The following ASIC2 variants were observed in gnomAD, a reference collection of about 807,000 sequenced individuals.
ASIC2 encodes the protein acid sensing ion channel subunit 2.
ASIC2 carries 25 observed loss-of-function variants against 57.3 expected under a neutral mutation model. The ratio of observed to expected loss-of-function variants is 0.44; its 90% CI spans 0.32 to 0.61. The LOEUF (loss-of-function observed/expected upper bound fraction) is 0.61. ASIC2 is among the 20% of genes least tolerant of loss of function. The probability of loss-of-function intolerance (pLI) is 0.06; values close to 1 mark genes in which losing one functional copy is unlikely to be tolerated. For synonymous variants in ASIC2, 319 were observed against 307.5 expected (o/e 1.04, Z -0.39); for missense variants, 641 against 738.1 (o/e 0.87, Z 1.52).
intron 1 of ASIC2, among the ~76,000 whole-genome samples, chr17:33,707,225 C>A (rs1908890228): frequency 6.6e-6 from 1 of 152,058 alleles, no homozygotes; most frequent in African/African-American, 2.4e-5. Flanking sequence ...ATATTTTATT[C>A]ATTGTGCTGG....
At chr17:33,665,227 C>T (rs10853158) in intron 1 of ASIC2, among the ~76,000 whole-genome samples, 106,958 of 152,016 alleles carry the variant, frequency 0.7, 38,295 homozygotes, top group East Asian at 0.81. Context: ...TTTTATTATT[C>T]TCACAAACTA....
At chr17:33,662,554 C>T (rs965567637) in intron 1 of ASIC2, among the ~76,000 whole-genome samples, 15 of 150,956 alleles carry the variant, frequency 9.9e-5, no homozygotes, top group East Asian at 2.0e-4. Context: ...ACCTGGGAGG[C>T]GGAGGTTGCA....
chr17:34,051,103 G>A (rs1908538341), intron 1 of ASIC2, among the ~76,000 whole-genome samples: 1 of 152,166 alleles, frequency 6.6e-6, no homozygotes, highest in Non-Finnish European at 1.5e-5. Context: ...AGGTTGGTTT[G>A]TCCAGAAATG....
chr17:33,612,880 T>G (rs1020487414), intron 1 of ASIC2, among the ~76,000 whole-genome samples: 37 of 152,222 alleles, frequency 2.4e-4, no homozygotes, highest in Non-Finnish European at 5.3e-4. Context: ...AATACATTGC[T>G]GTTGTACTGG....
In ASIC2 at chr17:33,187,873, C is replaced by T. The variant is rs187624031; in HGVS notation, c.709-75806G>A. 1.1e-4 allele frequency among the ~76,000 whole-genome samples: 16 copies of T among 140,164 alleles called. 1 individual carries two copies. In the Middle Eastern group the frequency reaches 0.022, roughly 192 times the overall value. 92.0% of individuals were successfully genotyped at this position (140,164 alleles called of 152,430 possible). ...ACATCCAACAACATGACATTCATAACGCCTGACAGCCAATCAAAAATGGTC... is the reference window on the plus strand; with the variant it reads ...ACATCCAACAACATGACATTCATAATGCCTGACAGCCAATCAAAAATGGTC... On this transcript the variant is annotated intron_variant, in intron 1 of 9. Transcript: ENST00000225823.
At chr17:34,021,160 G>C (rs1024602693) in intron 1 of ASIC2, among the ~76,000 whole-genome samples, 2 of 151,840 alleles carry the variant, frequency 1.3e-5, no homozygotes, top group Non-Finnish European at 2.9e-5. Context: ...TGGGTGACGG[G>C]TGCACCAAAA....
At chr17:33,452,116 C>T (rs1199630728) in intron 1 of ASIC2, among the ~76,000 whole-genome samples, 1 of 152,142 alleles carries the variant, frequency 6.6e-6, no homozygotes, top group Non-Finnish European at 1.5e-5. Context: ...AAATTAAAAG[C>T]AAAAAAGCAC....
chr17:33,850,406 T>A (rs1432454584), intron 1 of ASIC2, among the ~76,000 whole-genome samples: 1 of 152,242 alleles, frequency 6.6e-6, no homozygotes, highest in Admixed American at 6.5e-5. Context: ...AGACAGTTAA[T>A]GGGTACCATT....
chr17:33,106,220 C>A (rs1023786343), intron 2 of ASIC2, among the ~76,000 whole-genome samples: 2 of 151,980 alleles, frequency 1.3e-5, no homozygotes, highest in African/African-American at 4.8e-5. Context: ...GAGGGGAGGG[C>A]AATAGGAGCT....
At chr17:33,864,056 A>G (rs1031639555) in intron 1 of ASIC2, among the ~76,000 whole-genome samples, 1 of 151,780 alleles carries the variant, frequency 6.6e-6, no homozygotes, top group African/African-American at 2.4e-5. Flanking sequence ...GGCAAGCACT[A>G]TTATGCCCTG....
chr17:34,038,994 G>A (rs1567797099), intron 1 of ASIC2: 26 of 1,613,980 alleles, frequency 1.6e-5, no homozygotes, highest in Non-Finnish European at 1.8e-5. Context: ...CCAGTCTCAA[G>A]CGGTCTTGCA....
At chr17:33,262,440 A>T (rs1274678729) in intron 1 of ASIC2, among the ~76,000 whole-genome samples, 1 of 151,112 alleles carries the variant, frequency 6.6e-6, no homozygotes, top group Admixed American at 6.6e-5. Flanking sequence ...GAAGGGAGGG[A>T]GGAAGGGAAG....
chr17:33,379,760 AG>A (rs1909412531), intron 1 of ASIC2, among the ~76,000 whole-genome samples: 1 of 152,168 alleles, frequency 6.6e-6, no homozygotes, highest in African/African-American at 2.4e-5. Context: ...TTGCTAATAG[AG>A]GGCATTGGTG....
intron 1 of ASIC2, among the ~76,000 whole-genome samples, chr17:33,868,328 A>G (rs920955060): frequency 2.6e-5 from 4 of 152,172 alleles, no homozygotes; most frequent in Non-Finnish European, 4.4e-5. Flanking sequence ...ATGTAAAACA[A>G]TGGGTATGCC....
chr17:33,600,649 G>T (rs542350491), intron 1 of ASIC2, among the ~76,000 whole-genome samples: 26 of 152,276 alleles, frequency 1.7e-4, no homozygotes, highest in Non-Finnish European at 2.9e-4. Context: ...ATCAGACCTT[G>T]GTGATGACCT....
chr17:33,335,875 C>T (rs11657317), intron 1 of ASIC2, among the ~76,000 whole-genome samples: 35,446 of 152,108 alleles, frequency 0.23, 4,711 homozygotes, highest in Middle Eastern at 0.36. Context: ...AGCCTTCCAG[C>T]TCCAATCGCA....
chr17:33,826,420 A>G (rs1462677009), intron 1 of ASIC2, among the ~76,000 whole-genome samples: 1 of 152,216 alleles, frequency 6.6e-6, no homozygotes, highest in Non-Finnish European at 1.5e-5. Context: ...AGCAACTCCA[A>G]CCATCTGTCC....
chr17:33,296,723 T>C (rs956516001), upstream of ASIC2, among the ~76,000 whole-genome samples: 1 of 152,158 alleles, frequency 6.6e-6, no homozygotes, highest in Non-Finnish European at 1.5e-5. Context: ...AATGAATCTG[T>C]TGGGAGGGGA....
chr17:33,127,153 G>A (rs1000187989), intron 1 of ASIC2, among the ~76,000 whole-genome samples: 6 of 149,520 alleles, frequency 4.0e-5, no homozygotes, highest in African/African-American at 1.3e-4. Flanking sequence ...ACAGGCGTGA[G>A]CCACCGCTCC....
Sources: gnomAD v4.1 joint callset for allele counts (sites outside exome capture counted in the v4.1 genomes callset) on GRCh38, gnomAD v4.1.1 for gene constraint, MANE v1.5 for transcripts, NCBI Gene and HGNC (gene_info 2026-07-23, HGNC 2026-07-21) for gene names.